CNTN5: variants seen among roughly 807,000 people sequenced by gnomAD.
CNTN5 encodes contactin 5.
CNTN5 carries 77 observed loss-of-function variants against 129.1 expected under a neutral mutation model. The ratio of observed to expected loss-of-function variants is 0.60; its 90% CI spans 0.50 to 0.72. The LOEUF is 0.72. Ranked by LOEUF, CNTN5 falls within the 30% of genes least tolerant of loss-of-function variation. The pLI is 0.00. For missense variants in CNTN5, 1,478 were observed against 1,328.8 expected (o/e 1.11, Z -1.75); for synonymous variants, 509 against 465.6 (o/e 1.09, Z -1.20).
chr11:99,449,842 T>A (rs542174464), intron 2 of CNTN5, among the ~76,000 whole-genome samples: 1 of 152,310 alleles, frequency 6.6e-6, no homozygotes, highest in South Asian at 2.1e-4. Context: ...GGATGTCCAT[T>A]TGACTAAAGC....
At chr11:99,215,321 A>C (rs1860059972) in intron 1 of CNTN5, among the ~76,000 whole-genome samples, 1 of 152,176 alleles carries the variant, frequency 6.6e-6, no homozygotes, top group Admixed American at 6.6e-5. Context: ...GGAAACACAG[A>C]GAGCAATGAG....
chr11:99,955,308 G>T (rs1332354151), intron 7 of CNTN5, among the ~76,000 whole-genome samples: 1 of 151,766 alleles, frequency 6.6e-6, no homozygotes, highest in Non-Finnish European at 1.5e-5. Flanking sequence ...ACAAGTTGAA[G>T]TATTTCAATT....
At chr11:99,865,117 A>G (rs891249996) in intron 6 of CNTN5, among the ~76,000 whole-genome samples, 5 of 152,160 alleles carry the variant, frequency 3.3e-5, no homozygotes, top group Admixed American at 6.6e-5. Context: ...GAGACCTTGT[A>G]TTCATTCAAG....
At chr11:100,291,933 C>G (rs762635996) in intron 18 of CNTN5, among the ~76,000 whole-genome samples, 4 of 151,880 alleles carry the variant, frequency 2.6e-5, no homozygotes, top group Admixed American at 1.3e-4. Flanking sequence ...CGCCATTGCT[C>G]TCCACTATGC....
At chr11:99,869,226 G>A (rs2135803496) in intron 6 of CNTN5, among the ~76,000 whole-genome samples, 1 of 152,002 alleles carries the variant, frequency 6.6e-6, no homozygotes, top group Admixed American at 6.6e-5. Flanking sequence ...TTCATACCTG[G>A]GCCTGTGAAT....
intron 1 of CNTN5, among the ~76,000 whole-genome samples, chr11:99,069,525 G>A (rs377079490): frequency 5.9e-5 from 9 of 152,184 alleles, no homozygotes; most frequent in African/African-American, 1.9e-4. Context: ...CTGTTATGGC[G>A]AATGCATTGC....
At chr11:99,061,865 A>G (rs1347229530) in intron 1 of CNTN5, among the ~76,000 whole-genome samples, 1 of 151,892 alleles carries the variant, frequency 6.6e-6, no homozygotes, top group African/African-American at 2.4e-5. Flanking sequence ...GGTGTCACAC[A>G]TCTGTAGTCC....
At chr11:99,571,635 T>C (rs575632705) in intron 3 of CNTN5, among the ~76,000 whole-genome samples, 23 of 152,310 alleles carry the variant, frequency 1.5e-4, no homozygotes, top group African/African-American at 5.3e-4. Context: ...GAATTAATTA[T>C]TGCTTTTTGT....
chr11:99,880,237 TGCC>T (rs1948737369), intron 6 of CNTN5, among the ~76,000 whole-genome samples: 1 of 152,250 alleles, frequency 6.6e-6, no homozygotes, highest in Non-Finnish European at 1.5e-5. Flanking sequence ...GCATTCATGT[TGCC>T]ATTGCTCTGT....
intron 21 of CNTN5, chr11:100,309,314 T>C: frequency 1.0e-6 from 1 of 984,150 alleles, no homozygotes; most frequent in Non-Finnish European, 1.2e-6. Context: ...ACTAACATGG[T>C]TTCCAGGCTG....
chr11:99,609,234 A>G (rs550119873), intron 3 of CNTN5, among the ~76,000 whole-genome samples: 23 of 152,224 alleles, frequency 1.5e-4, no homozygotes, highest in Non-Finnish European at 2.9e-4. Context: ...GTCTCTTTGT[A>G]TTTGATAAAC....
At chr11:99,982,883 C>T (rs12271285) in intron 8 of CNTN5, among the ~76,000 whole-genome samples, 9,417 of 152,128 alleles carry the variant, frequency 0.062, 488 homozygotes, top group African/African-American at 0.13. Flanking sequence ...CCTCATGATC[C>T]GCCCACCTCG....
At chr11:100,114,981 G>T (rs1945791667) in intron 13 of CNTN5, among the ~76,000 whole-genome samples, 1 of 151,882 alleles carries the variant, frequency 6.6e-6, no homozygotes, top group South Asian at 2.1e-4. Flanking sequence ...AGCTCCATGG[G>T]TGTCCCCATT....
intron 15 of CNTN5, among the ~76,000 whole-genome samples, chr11:100,217,506 C>A (rs1949164675): frequency 6.6e-6 from 1 of 152,046 alleles, no homozygotes; most frequent in Admixed American, 6.6e-5. Flanking sequence ...TAGACCTTTC[C>A]TGGTGGTCAT....
intron 1 of CNTN5, among the ~76,000 whole-genome samples, chr11:99,211,131 A>T (rs1859757300): frequency 6.6e-6 from 1 of 152,060 alleles, no homozygotes; most frequent in East Asian, 1.9e-4. Flanking sequence ...CATTACCAAG[A>T]TATGATCGTA....
At chr11:100,334,015 G>A (rs1213329570) in intron 21 of CNTN5, among the ~76,000 whole-genome samples, 1 of 152,098 alleles carries the variant, frequency 6.6e-6, no homozygotes, top group African/African-American at 2.4e-5. Flanking sequence ...GAGTGGGAGA[G>A]AATCTTCACA....
At chr11:99,128,739 C>A (rs1420340848) in intron 1 of CNTN5, among the ~76,000 whole-genome samples, 1 of 152,146 alleles carries the variant, frequency 6.6e-6, no homozygotes, top group East Asian at 1.9e-4. Flanking sequence ...CAGGTCGGTG[C>A]CCCTCTGGGA....
intron 3 of CNTN5, among the ~76,000 whole-genome samples, chr11:99,759,834 T>G (rs1210723664): frequency 6.6e-6 from 1 of 152,022 alleles, no homozygotes; most frequent in Non-Finnish European, 1.5e-5. Flanking sequence ...GTATTTAAGT[T>G]CAAAATTGGT....
intron 3 of CNTN5, among the ~76,000 whole-genome samples, chr11:99,794,838 G>A (rs959547119): frequency 7.2e-6 from 1 of 139,052 alleles, no homozygotes; most frequent in African/African-American, 2.6e-5. Flanking sequence ...ATCCTTTCTT[G>A]CTAGCTCCAC....
Sources: gnomAD v4.1 joint callset for allele counts (sites outside exome capture counted in the v4.1 genomes callset) on GRCh38, gnomAD v4.1.1 for gene constraint, MANE v1.5 for transcripts, NCBI Gene and HGNC (gene_info 2026-07-23, HGNC 2026-07-21) for gene names.